The following LRRC37A2 variants were observed in gnomAD, a reference collection of about 807,000 sequenced individuals.
LRRC37A2 encodes leucine-rich repeat-containing protein 37A2.
A neutral mutation model predicts 68.8 loss-of-function variants in LRRC37A2; 9 were observed. That is an observed-to-expected ratio of 0.13 (90% confidence interval 0.08 to 0.23). The LOEUF (loss-of-function observed/expected upper bound fraction) is 0.23. LRRC37A2 is among the 10% of genes least tolerant of loss of function. The probability of loss-of-function intolerance (pLI) is 1.00; values close to 1 mark genes in which losing one functional copy is unlikely to be tolerated. For missense variants in LRRC37A2, 168 were observed against 950.4 expected, an observed-to-expected ratio of 0.18 and a Z score of 10.82; for synonymous variants, 63 against 367.6, an observed-to-expected ratio of 0.17 and a Z score of 9.48.
the LRRC37A2 span, among the ~76,000 whole-genome samples, chr17:46,662,123 G>A: frequency 6.0e-4 from 26 of 43,592 alleles, no homozygotes; most frequent in African/African-American, 1.6e-3. Context: ...GATTACAGGC[G>A]TGAGCCACCG....
the LRRC37A2 span, chr17:46,978,855 G>A: frequency 6.3e-7 from 1 of 1,589,238 alleles, no homozygotes; most frequent in Non-Finnish European, 8.5e-7. Context: ...GCCCCGCGGG[G>A]ACCCCGTCGC....
At chr17:46,868,198 G>A in the LRRC37A2 span, among the ~76,000 whole-genome samples, 2 of 152,188 alleles carry the variant, frequency 1.3e-5, no homozygotes, top group Admixed American at 6.5e-5. Context: ...TTAGCAAGTT[G>A]GCAAACAACC....
At chr17:46,983,261 C>T in the LRRC37A2 span, among the ~76,000 whole-genome samples, 1 of 151,258 alleles carries the variant, frequency 6.6e-6, no homozygotes, top group East Asian at 1.9e-4. Flanking sequence ...ACCACTCCTC[C>T]TTCTGTGGTT....
At chr17:46,889,444 G>A in the LRRC37A2 span, among the ~76,000 whole-genome samples, 1 of 152,186 alleles carries the variant, frequency 6.6e-6, no homozygotes, top group Admixed American at 6.5e-5. Flanking sequence ...GGACATGGAA[G>A]TCACGTCTTA....
the LRRC37A2 span, among the ~76,000 whole-genome samples, chr17:46,828,439 G>A: frequency 2.0e-5 from 3 of 151,956 alleles, no homozygotes; most frequent in Non-Finnish European, 4.4e-5. Flanking sequence ...CTGAGCTCAA[G>A]CGATCCATCC....
intron 8 of LRRC37A2, among the ~76,000 whole-genome samples, 154 bp from the exon 8 acceptor site, chr17:46,546,100 TC>T (rs1260343733): frequency 6.6e-5 from 10 of 152,060 alleles, no homozygotes; most frequent in Non-Finnish European, 1.3e-4. Flanking sequence ...ACTTTTGTCC[TC>T]CTTCCTATTG....
chr17:46,886,373 A>C, the LRRC37A2 span: 1 of 152,220 alleles, frequency 6.6e-6, no homozygotes, highest in Non-Finnish European at 1.5e-5. Context: ...TAATAAATAA[A>C]ATTTGTAGGA....
chr17:46,827,058 T>A, the LRRC37A2 span, among the ~76,000 whole-genome samples: 3 of 152,210 alleles, frequency 2.0e-5, no homozygotes, highest in African/African-American at 7.2e-5. Flanking sequence ...ATTACAGGCA[T>A]GAGCCACCAT....
chr17:46,708,791 G>T, the LRRC37A2 span, among the ~76,000 whole-genome samples: 1 of 134,042 alleles, frequency 7.5e-6, no homozygotes, highest in South Asian at 2.4e-4. Flanking sequence ...ACTGCACTTG[G>T]CCACCATTTA....
the LRRC37A2 span, among the ~76,000 whole-genome samples, chr17:47,014,829 T>A: frequency 1.3e-5 from 2 of 152,058 alleles, no homozygotes; most frequent in African/African-American, 4.8e-5. Flanking sequence ...GGCTTATTGC[T>A]TGGATCTCAA....
chr17:46,834,791 G>T, the LRRC37A2 span, among the ~76,000 whole-genome samples: 1 of 152,046 alleles, frequency 6.6e-6, no homozygotes, highest in Admixed American at 6.6e-5. Context: ...GCTCCTCAAG[G>T]GCTTCCCCCA....
chr17:46,928,909 C>CTGTGGCA, the LRRC37A2 span, among the ~76,000 whole-genome samples: 1 of 152,262 alleles, frequency 6.6e-6, no homozygotes. Flanking sequence ...TTCTCTTTCT[C>CTGTGGCA]AGCCCCACCC....
the LRRC37A2 span, among the ~76,000 whole-genome samples, chr17:46,982,445 A>T: frequency 6.6e-6 from 1 of 152,192 alleles, no homozygotes; most frequent in African/African-American, 2.4e-5. Flanking sequence ...CCTTTCCTTT[A>T]TTAAGCATCT....
chr17:46,859,581 C>T, the LRRC37A2 span, among the ~76,000 whole-genome samples: 5 of 152,180 alleles, frequency 3.3e-5, no homozygotes, highest in Non-Finnish European at 7.3e-5. Context: ...CTTTTATATT[C>T]CTAGATTACT....
the LRRC37A2 span, among the ~76,000 whole-genome samples, chr17:46,818,917 G>A: frequency 6.6e-6 from 1 of 152,034 alleles, no homozygotes; most frequent in South Asian, 2.1e-4. Context: ...GGCAAAGCCC[G>A]CGCCCCGGAC....
At chr17:46,802,228 C>A in the LRRC37A2 span, among the ~76,000 whole-genome samples, 2 of 152,102 alleles carry the variant, frequency 1.3e-5, no homozygotes. Context: ...TTGGTTACCC[C>A]AAAAGACCCA....
chr17:46,907,674 CA>C, the LRRC37A2 span, among the ~76,000 whole-genome samples: 5 of 40,270 alleles, frequency 1.2e-4, no homozygotes, highest in African/African-American at 3.9e-4. Context: ...TCCATCTCTA[CA>C]AAAAAAAAAA....
the LRRC37A2 span, among the ~76,000 whole-genome samples, chr17:46,866,939 C>T: frequency 5.9e-5 from 9 of 152,220 alleles, no homozygotes; most frequent in Admixed American, 1.3e-4. Flanking sequence ...CCCAAACAGC[C>T]TGGAGTGCTC....
At chr17:46,839,989 CTTTT>C in the LRRC37A2 span, among the ~76,000 whole-genome samples, 189 of 115,940 alleles carry the variant, frequency 1.6e-3, no homozygotes, top group African/African-American at 4.1e-3. Flanking sequence ...TTCTTTCTTT[CTTTT>C]TTCTTTCTTC....
Sources: allele counts gnomAD v4.1 joint callset (sites outside exome capture counted in the v4.1 genomes callset), GRCh38; gene constraint gnomAD v4.1.1; transcripts MANE v1.5; gene names NCBI Gene and HGNC (gene_info 2026-07-23, HGNC 2026-07-21).